Variants in MARCHF11 observed in about 807,000 individuals in gnomAD.
MARCHF11 encodes the protein E3 ubiquitin-protein ligase MARCHF11.
In MARCHF11, 29 loss-of-function variants were observed where a neutral mutation model predicts 37.3. The ratio of observed to expected loss-of-function variants is 0.78; its 90% CI spans 0.58 to 1.06. The LOEUF is 1.06. Among genes scored for constraint, MARCHF11 ranks in the 50% least tolerant of loss-of-function variants. The pLI, the probability that MARCHF11 is intolerant of heterozygous loss-of-function variation, is 0.00. For synonymous variants in MARCHF11, 233 were observed against 228.0 expected, an observed-to-expected ratio of 1.02 and a Z score of -0.20; for missense variants, 482 against 533.4, an observed-to-expected ratio of 0.90 and a Z score of 0.95.
chr5:16,088,011 T>C (rs1322002642), intron 3 of MARCHF11, among the ~76,000 whole-genome samples: 1 of 152,202 alleles, frequency 6.6e-6, no homozygotes, highest in African/African-American at 2.4e-5. Context: ...AGAACCAAGT[T>C]TGGAAAGCTT....
intron 2 of MARCHF11, among the ~76,000 whole-genome samples, chr5:16,154,352 C>A (rs1451934973): frequency 6.6e-6 from 1 of 151,954 alleles, no homozygotes; most frequent in Non-Finnish European, 1.5e-5. Flanking sequence ...AGCACACAGG[C>A]CACATTTACA....
At position 16,124,788 on chromosome 5, in the gene MARCHF11, C is replaced by A. The variant is rs191468282; in HGVS notation, c.694-33707G>T. Reference sequence around the variant, plus strand: ...TAGACATTCAGTCACCAATTCAGGACAATTAAAACCTCAAGATAAAATCTG... The same window carrying A: ...TAGACATTCAGTCACCAATTCAGGAAAATTAAAACCTCAAGATAAAATCTG... On this transcript the variant is annotated intron_variant, in intron 2 of 3. Transcript: ENST00000332432. Among the ~76,000 whole-genome samples, 162 of 142,708 alleles carry A rather than the reference C, an allele frequency of 1.1e-3. 8 individuals carry two copies. The highest frequency in any genetic ancestry group is 2.1e-3 in the Non-Finnish European group (131 of 61,864). The allele number at this position is 142,708 out of a possible 152,430, so 93.6% of individuals were successfully genotyped here. A position where few individuals can be genotyped will look rare whatever the true frequency, so the allele number is the denominator to read the frequency against.
intron 2 of MARCHF11, among the ~76,000 whole-genome samples, chr5:16,138,398 T>C (rs1737644087): frequency 1.3e-5 from 2 of 152,198 alleles, no homozygotes; most frequent in Non-Finnish European, 2.9e-5. Flanking sequence ...AAATGAGATT[T>C]GCGAACTTCT....
intron 2 of MARCHF11, among the ~76,000 whole-genome samples, chr5:16,159,961 C>T (rs1008093883): frequency 3.6e-4 from 54 of 151,910 alleles, no homozygotes; most frequent in African/African-American, 1.3e-3. Flanking sequence ...AATGGTTTCT[C>T]ATCTAATTCT....
chr5:16,146,449 G>A (rs1429820537), intron 2 of MARCHF11, among the ~76,000 whole-genome samples: 2 of 152,100 alleles, frequency 1.3e-5, no homozygotes, highest in Non-Finnish European at 2.9e-5. Flanking sequence ...TCATGTTGAG[G>A]ATGATCTCAA....
intron 2 of MARCHF11, among the ~76,000 whole-genome samples, chr5:16,164,016 C>T (rs2126606004): frequency 6.6e-6 from 1 of 152,198 alleles, no homozygotes; most frequent in South Asian, 2.1e-4. Context: ...GAAGTGAAGG[C>T]TGGGCCCTCA....
At chr5:16,081,069 G>A (rs993265929) in intron 3 of MARCHF11, among the ~76,000 whole-genome samples, 2 of 151,966 alleles carry the variant, frequency 1.3e-5, no homozygotes, top group Non-Finnish European at 2.9e-5. Flanking sequence ...TGCCTCTCTC[G>A]GGGCCCCATC....
At chr5:16,077,701 T>C (rs1438121422) in intron 3 of MARCHF11, among the ~76,000 whole-genome samples, 1 of 152,220 alleles carries the variant, frequency 6.6e-6, no homozygotes, top group Non-Finnish European at 1.5e-5. Flanking sequence ...AGACAGTAGT[T>C]TTCTTAATAT....
At chr5:16,129,786 A>C (rs1737484831) in intron 2 of MARCHF11, among the ~76,000 whole-genome samples, 1 of 152,196 alleles carries the variant, frequency 6.6e-6, no homozygotes, top group Admixed American at 6.5e-5. Context: ...ATTTATTCCA[A>C]TAAGTTACAA....
At chr5:16,164,365 A>G (rs1049323643) in intron 2 of MARCHF11, among the ~76,000 whole-genome samples, 1 of 152,202 alleles carries the variant, frequency 6.6e-6, no homozygotes, top group Admixed American at 6.5e-5. Context: ...ACAAGGAAAT[A>G]GAAGTCTTGA....
At chr5:16,071,458 G>T (rs1355852206) in intron 3 of MARCHF11, among the ~76,000 whole-genome samples, 1 of 152,138 alleles carries the variant, frequency 6.6e-6, no homozygotes, top group Non-Finnish European at 1.5e-5. Flanking sequence ...TCTTGAAAAA[G>T]CAGGCTTAAA....
At chr5:16,093,910 T>C (rs1184724640) in intron 2 of MARCHF11, among the ~76,000 whole-genome samples, 1 of 152,242 alleles carries the variant, frequency 6.6e-6, no homozygotes, top group Non-Finnish European at 1.5e-5. Flanking sequence ...ACAAAATCTA[T>C]AGTGAGCTCC....
Position 16,067,282 on chromosome 5 carries a change from C to A in MARCHF11, c.*189G>T. On this transcript the variant is annotated 3_prime_UTR_variant, in exon 4 of 4. Coordinates refer to ENST00000332432, the MANE Select transcript of MARCHF11 (RefSeq NM_001102562.3). ...ACCAACTTATAAAAGATGTGACAAA[C>A]CAGACAACGAAGAACAAGAGGACTC... 1 of 523,012 alleles carries A rather than the reference C, an allele frequency of 1.9e-6. No individual in the cohort carries two copies. Among genetic ancestry groups the A allele is most frequent in the Non-Finnish European group, 3.3e-6 (1 of 302,186 alleles). The allele number at this position is 523,012 out of a possible 1,614,324, so 32.4% of individuals were successfully genotyped here.
intron 2 of MARCHF11, among the ~76,000 whole-genome samples, chr5:16,152,497 T>A (rs186184311): frequency 1.3e-4 from 20 of 152,130 alleles, no homozygotes; most frequent in African/African-American, 4.6e-4. Context: ...AAAGCCTGAC[T>A]AAGACAAGAA....
intron 2 of MARCHF11, among the ~76,000 whole-genome samples, chr5:16,134,402 C>T (rs908530795): frequency 1.3e-4 from 20 of 152,080 alleles, no homozygotes; most frequent in African/African-American, 4.3e-4. Flanking sequence ...CTTCTCTTTG[C>T]GTGCTGCCAT....
At chr5:16,132,667 G>C (rs1325736343) in intron 2 of MARCHF11, among the ~76,000 whole-genome samples, 1 of 152,164 alleles carries the variant, frequency 6.6e-6, no homozygotes, top group African/African-American at 2.4e-5. Flanking sequence ...CCAAGAGTAA[G>C]AGAGCTAATG....
At chr5:16,088,864 A>G (rs1337517066) in intron 3 of MARCHF11, among the ~76,000 whole-genome samples, 2 of 152,204 alleles carry the variant, frequency 1.3e-5, no homozygotes, top group African/African-American at 4.8e-5. Flanking sequence ...CATTCTCCCA[A>G]GTATCTCCAG....
At chr5:16,087,806 A>C (rs1736723730) in intron 3 of MARCHF11, among the ~76,000 whole-genome samples, 1 of 152,238 alleles carries the variant, frequency 6.6e-6, no homozygotes, top group South Asian at 2.1e-4. Flanking sequence ...CCTAGGAATA[A>C]GTAAATAAAT....
intron 2 of MARCHF11, among the ~76,000 whole-genome samples, chr5:16,136,703 T>A (rs922926573): frequency 2.0e-5 from 3 of 152,144 alleles, no homozygotes; most frequent in Admixed American, 6.6e-5. Context: ...TTATAGCCAA[T>A]GTAAAACATA....
Sources: gnomAD v4.1 joint callset for allele counts (sites outside exome capture counted in the v4.1 genomes callset) on GRCh38, gnomAD v4.1.1 for gene constraint, MANE v1.5 for transcripts, NCBI Gene and HGNC (gene_info 2026-07-23, HGNC 2026-07-21) for gene names.